MGAT4C: variants seen among roughly 807,000 people sequenced by gnomAD.
The protein encoded by MGAT4C is alpha-1,3-mannosyl-glycoprotein 4-beta-N-acetylglucosaminyltransferase C.
Under a neutral mutation model 40.1 loss-of-function variants are expected in MGAT4C, and 19 were observed. That is an observed-to-expected ratio of 0.47 (90% CI 0.33 to 0.70). The LOEUF (loss-of-function observed/expected upper bound fraction) is 0.70, where lower values mean the gene tolerates loss of function less well. Among genes scored for constraint, MGAT4C ranks in the 30% least tolerant of loss-of-function variants. The probability of loss-of-function intolerance (pLI) is 0.02; values close to 1 mark genes in which losing one functional copy is unlikely to be tolerated. For synonymous variants in MGAT4C, 181 were observed against 187.1 expected (o/e 0.97, Z 0.27); for missense variants, 491 against 563.2 (o/e 0.87, Z 1.30).
At chr12:86,572,820 T>C (rs1293282361) in intron 2 of MGAT4C, among the ~76,000 whole-genome samples, 2 of 151,994 alleles carry the variant, frequency 1.3e-5, no homozygotes, top group Non-Finnish European at 2.9e-5. Flanking sequence ...ACATCAATTA[T>C]CAAATCATCT....
rs538950138 is a variant in MGAT4C, at chr12:86,775,904, TA to T, written c.-261-48664del. Among the ~76,000 whole-genome samples the T allele has an allele frequency of 1.7e-3, 255 of 151,928 alleles. 1 individual carries two copies. The highest frequency in any genetic ancestry group is 2.9e-3 in the Non-Finnish European group (196 of 67,914). On this transcript the variant is annotated intron_variant, in intron 1 of 7. Transcript: ENST00000548651. ...TGAGTCATTATCAATCATAGGATTT[TA>T]TTTTTTTCCTTTATATTGCACAATA...
intron 2 of MGAT4C, among the ~76,000 whole-genome samples, chr12:86,621,715 T>A (rs1192463302): frequency 6.6e-6 from 1 of 152,172 alleles, no homozygotes; most frequent in Non-Finnish European, 1.5e-5. Flanking sequence ...TGGGCTCAAG[T>A]GATCCTCCTA....
At chr12:86,723,486 G>A (rs1393177467) in intron 2 of MGAT4C, among the ~76,000 whole-genome samples, 1 of 152,092 alleles carries the variant, frequency 6.6e-6, no homozygotes, top group African/African-American at 2.4e-5. Flanking sequence ...CAGCCTCGGG[G>A]GCTCTTTGTC....
Position 86,508,305 on chromosome 12 carries a change from G to A in MGAT4C, c.-228-73040C>T, listed in dbSNP as rs574031576. Among the ~76,000 whole-genome samples the A allele has an allele frequency of 3.5e-3, 539 of 152,002 alleles. 5 individuals are homozygous for A. The highest frequency in any genetic ancestry group is 0.012 in the African/African-American group (510 of 41,458). On this transcript the variant is annotated intron_variant, in intron 2 of 7. Coordinates refer to the MGAT4C transcript ENST00000548651. The stretch of plus-strand genomic sequence containing the variant: ...TTCCCACCTATGAGTGAGAACATGC[G>A]GTGTTTGGTTTTTTGTTCTTGTGAT...
chr12:86,361,017 T>C (rs1310051372), intron 3 of MGAT4C, among the ~76,000 whole-genome samples: 1 of 135,892 alleles, frequency 7.4e-6, no homozygotes, highest in African/African-American at 2.8e-5. Context: ...AAATAGAGCC[T>C]GCATTGCAAG....
At chr12:86,697,336 CTAAT>C (rs1950276552) in intron 2 of MGAT4C, among the ~76,000 whole-genome samples, 2 of 152,018 alleles carry the variant, frequency 1.3e-5, no homozygotes, top group South Asian at 2.1e-4. Flanking sequence ...GCAATCTTGA[CTAAT>C]TGATGATATT....
intron 2 of MGAT4C, among the ~76,000 whole-genome samples, chr12:86,441,586 G>A (rs994878649): frequency 6.8e-6 from 1 of 146,382 alleles, no homozygotes; most frequent in African/African-American, 2.5e-5. Context: ...CTATGAGTGA[G>A]AACATGCAGT....
intron 1 of MGAT4C, among the ~76,000 whole-genome samples, chr12:86,240,872 T>C (rs749727646): frequency 3.3e-5 from 5 of 152,188 alleles, no homozygotes; most frequent in Non-Finnish European, 5.9e-5. Context: ...CCCTTCAGTA[T>C]GGGACCAAGT....
chr12:86,349,839 A>G (rs1167750066), intron 3 of MGAT4C, among the ~76,000 whole-genome samples: 3 of 152,166 alleles, frequency 2.0e-5, no homozygotes, highest in Non-Finnish European at 4.4e-5. Flanking sequence ...TTGCCAGTCA[A>G]TATTATCTGG....
intron 1 of MGAT4C, among the ~76,000 whole-genome samples, chr12:86,738,734 C>CT (rs1391114339): frequency 6.6e-6 from 1 of 151,198 alleles, no homozygotes; most frequent in Non-Finnish European, 1.5e-5. Flanking sequence ...ACACATATGT[C>CT]TATGCATTTC....
chr12:86,223,246 A>G (rs1318256321), intron 1 of MGAT4C, among the ~76,000 whole-genome samples: 1 of 152,190 alleles, frequency 6.6e-6, no homozygotes, highest in Non-Finnish European at 1.5e-5. Context: ...GCATTCCCAC[A>G]GCTACCTGCC....
At chr12:86,781,505 T>C (rs1329687215) in intron 1 of MGAT4C, among the ~76,000 whole-genome samples, 1 of 152,132 alleles carries the variant, frequency 6.6e-6, no homozygotes, top group South Asian at 2.1e-4. Context: ...TAGTTAAGAT[T>C]CAGGTGAATT....
At chr12:86,026,266 A>G (rs547736358) in intron 2 of MGAT4C, among the ~76,000 whole-genome samples, 2 of 151,816 alleles carry the variant, frequency 1.3e-5, no homozygotes, top group Non-Finnish European at 2.9e-5. Flanking sequence ...AATTCCTACT[A>G]CTGATTACCA....
Position 86,170,206 on chromosome 12 carries a change from C to T in MGAT4C, c.-57+86033G>A, listed in dbSNP as rs190674373. Among the ~76,000 whole-genome samples, 11 of 152,308 alleles carry T rather than the reference C, an allele frequency of 7.2e-5. No individual in the cohort carries two copies. In the East Asian group the frequency reaches 7.7e-4, roughly 11 times the overall value. ...CCCACTTTTAGTGCTGAGACTGGGACAGTCTTGAGCAAGAAAAGGGTAATT... is the reference window on the plus strand; with the variant it reads ...CCCACTTTTAGTGCTGAGACTGGGATAGTCTTGAGCAAGAAAAGGGTAATT... On this transcript the variant is annotated intron_variant, in intron 1 of 4. Transcript: ENST00000611864.
intron 2 of MGAT4C, among the ~76,000 whole-genome samples, chr12:86,518,369 G>T (rs1311877790): frequency 1.3e-5 from 2 of 152,066 alleles, no homozygotes; most frequent in African/African-American, 2.4e-5. Context: ...ACAAAGTAAA[G>T]AAATAGGCAA....
intron 2 of MGAT4C, among the ~76,000 whole-genome samples, chr12:86,547,384 T>C (rs185330508): frequency 1.3e-3 from 201 of 152,132 alleles, no homozygotes; most frequent in African/African-American, 4.6e-3. Context: ...TTTATTCTTA[T>C]GAAGTCCAAT....
At chr12:86,361,061 C>T (rs1273510385) in intron 3 of MGAT4C, among the ~76,000 whole-genome samples, 1 of 152,092 alleles carries the variant, frequency 6.6e-6, no homozygotes, top group Non-Finnish European at 1.5e-5. Flanking sequence ...AAGCTGGAGG[C>T]ATCATGCTAC....
chr12:86,082,557 A>G (rs548981869), intron 1 of MGAT4C, among the ~76,000 whole-genome samples: 4 of 152,164 alleles, frequency 2.6e-5, no homozygotes, highest in Admixed American at 6.5e-5. Context: ...AGCCATCTTC[A>G]GGGAAAAGAG....
intron 2 of MGAT4C, among the ~76,000 whole-genome samples, chr12:86,512,464 A>C (rs976583232): frequency 1.3e-5 from 2 of 152,148 alleles, no homozygotes; most frequent in Non-Finnish European, 2.9e-5. Flanking sequence ...ACTTCCATGC[A>C]CTTCTATTCT....
Sources: allele counts gnomAD v4.1 joint callset (sites outside exome capture counted in the v4.1 genomes callset), GRCh38; gene constraint gnomAD v4.1.1; transcripts MANE v1.5; gene names NCBI Gene and HGNC (gene_info 2026-07-23, HGNC 2026-07-21).